The following FN1 variants were observed in gnomAD, a reference collection of about 807,000 sequenced individuals.
The protein encoded by FN1 is fibronectin.
A neutral mutation model predicts 297.3 loss-of-function variants in FN1; 106 were observed. The ratio of observed to expected loss-of-function variants is 0.36; its 90% CI spans 0.30 to 0.42. FN1 has a LOEUF of 0.42. Ranked by LOEUF, FN1 falls within the 10% of genes least tolerant of loss-of-function variation. The pLI, the probability that FN1 is intolerant of heterozygous loss-of-function variation, is 1.00. For synonymous variants in FN1, 1,149 were observed against 1,152.6 expected, an observed-to-expected ratio of 1.00 and a Z score of 0.06; for missense variants, 2,690 against 3,124.9, an observed-to-expected ratio of 0.86 and a Z score of 3.32.
intron 11 of FN1, among the ~76,000 whole-genome samples, chr2:215,420,134 G>GTT (rs1464670293): frequency 1.3e-5 from 2 of 152,162 alleles, no homozygotes; most frequent in African/African-American, 4.8e-5. Flanking sequence ...AAGGAAGTGA[G>GTT]TTTGAGACCA....
chr2:215,426,592 CACAG>C (rs1014134531), intron 6 of FN1, among the ~76,000 whole-genome samples: 1 of 152,218 alleles, frequency 6.6e-6, no homozygotes, highest in South Asian at 2.1e-4. Context: ...CAAAGATGTT[CACAG>C]ACAAAGAATC....
intron 6 of FN1, among the ~76,000 whole-genome samples, chr2:215,426,818 C>T (rs12615520): frequency 0.27 from 40,857 of 152,088 alleles, 7,090 homozygotes; most frequent in East Asian, 0.92. Context: ...CATTTAATTC[C>T]CACCTACACT....
chr2:215,405,890 T>G (rs1303145883), intron 19 of FN1, among the ~76,000 whole-genome samples: 1 of 152,208 alleles, frequency 6.6e-6, no homozygotes, highest in Non-Finnish European at 1.5e-5. Context: ...TATTGTTAAA[T>G]GAATTCTACT....
intron 8 of FN1, 33 bp from the exon 9 acceptor site, chr2:215,423,559 A>G: frequency 6.2e-7 from 1 of 1,604,918 alleles, no homozygotes; most frequent in Non-Finnish European, 8.5e-7. Context: ...AAGAAGGAAA[A>G]GATTACCGCT....
intron 20 of FN1, 43 bp from the exon 21 acceptor site, chr2:215,399,394 C>A: frequency 7.8e-7 from 1 of 1,275,234 alleles, no homozygotes; most frequent in Non-Finnish European, 1.1e-6. Flanking sequence ...CTCAAACTCA[C>A]AGATGATTGC....
intron 28 of FN1, among the ~76,000 whole-genome samples, chr2:215,385,533 G>T (rs2058824181): frequency 6.9e-6 from 1 of 144,402 alleles, no homozygotes; most frequent in Non-Finnish European, 1.5e-5. Flanking sequence ...TTGCACTCCA[G>T]CCTGGGCGAC....
At position 215,378,336 on chromosome 2, in the gene FN1, G is replaced by A; in HGVS notation, c.5623-74C>T. Reference sequence around the variant, plus strand: ...CCCAAGGAGTTTCACTACAGCATTAGGTAAATGCAATGGTTAGAAAATAAA... The same window carrying A: ...CCCAAGGAGTTTCACTACAGCATTAAGTAAATGCAATGGTTAGAAAATAAA... On this transcript the variant is annotated intron_variant, in intron 34 of 45. Coordinates refer to ENST00000354785, the MANE Select transcript of FN1 (RefSeq NM_212482.4). 3.8e-6 allele frequency: 3 copies of A among 795,012 alleles called. 1 individual carries two copies. In the South Asian group the frequency reaches 4.1e-5, roughly 11 times the overall value. The allele number at this position is 795,012 out of a possible 1,614,324, so 49.2% of individuals were successfully genotyped here.
chr2:215,385,337 G>A (rs2058786152), intron 28 of FN1, among the ~76,000 whole-genome samples: 1 of 151,434 alleles, frequency 6.6e-6, no homozygotes, highest in South Asian at 2.1e-4. Context: ...CGAGGCGGGT[G>A]GATCATTTGA....
At chr2:215,380,728 A>G (rs2058082749) in intron 33 of FN1, 83 bp downstream of exon 33, 10 of 1,472,760 alleles carry the variant, frequency 6.8e-6, no homozygotes, top group Non-Finnish European at 9.5e-6. Flanking sequence ...ACGGGAATCA[A>G]TAGCCCAGTG....
chr2:215,364,434 A>T (rs1575167804), intron 44 of FN1: 1 of 243,322 alleles, frequency 4.1e-6, no homozygotes, highest in East Asian at 9.9e-5. Flanking sequence ...AGGGGAGGGG[A>T]GGGTCTCAGG....
chr2:215,386,569 T>G (rs1041502270), intron 28 of FN1, 120 bp downstream of exon 28: 1 of 10,600 alleles, frequency 9.4e-5, no homozygotes, highest in Non-Finnish European at 2.4e-4. Context: ...CAATGATCTA[T>G]TTTTTTTTTT....
At chr2:215,374,843 TG>T (rs2056967332) in intron 38 of FN1, among the ~76,000 whole-genome samples, 2 of 152,208 alleles carry the variant, frequency 1.3e-5, no homozygotes, top group Admixed American at 6.5e-5. Context: ...GGTGGTGCAC[TG>T]GCAAGTCCTG....
intron 38 of FN1, among the ~76,000 whole-genome samples, chr2:215,374,087 G>A (rs979489966): frequency 1.3e-5 from 2 of 152,108 alleles, no homozygotes; most frequent in Non-Finnish European, 2.9e-5. Context: ...AGAGAGTCCT[G>A]CAGATTATAT....
intron 8 of FN1, 52 bp downstream of exon 8, chr2:215,424,094 G>C: frequency 6.5e-7 from 1 of 1,544,034 alleles, no homozygotes; most frequent in East Asian, 2.2e-5. Flanking sequence ...ATAAAACTAG[G>C]GCATGAAAGT....
intron 12 of FN1, among the ~76,000 whole-genome samples, chr2:215,418,301 T>A (rs1489103274): frequency 6.6e-6 from 1 of 152,204 alleles, no homozygotes; most frequent in Non-Finnish European, 1.5e-5. Context: ...CTTCCCATAT[T>A]ACAGATGAGG....
intron 20 of FN1, among the ~76,000 whole-genome samples, chr2:215,402,976 G>A (rs1240069535): frequency 2.6e-5 from 4 of 152,000 alleles, no homozygotes; most frequent in Non-Finnish European, 5.9e-5. Flanking sequence ...CATAAAATAT[G>A]TCTCATGTTA....
intron 25 of FN1, chr2:215,392,147 A>C (rs1575485966): frequency 3.2e-6 from 1 of 313,548 alleles, no homozygotes; most frequent in East Asian, 8.3e-5. Flanking sequence ...AAGTTGCCAC[A>C]CAGCAAAGAG....
rs35343655 is a variant in FN1, at chr2:215,386,974, G to A, written c.4343-16C>T. 420,695 of 1,601,552 alleles carry A rather than the reference G, an allele frequency of 0.26. 63,793 individuals are homozygous for A. Among genetic ancestry groups the A allele is most frequent in the East Asian group, 0.8 (35,763 of 44,476 alleles). ...GAATCAAGACCTGTTTTTCCCACCC[G>A]GGGGAGGAAGAGAAAAAAAAAAGAA... On this transcript the variant is annotated splice_polypyrimidine_tract_variant and intron_variant, in intron 27 of 45. Coordinates refer to ENST00000354785, the MANE Select transcript of FN1 (RefSeq NM_212482.4).
rs761078111 is a variant in FN1, at chr2:215,391,740, G to C, written c.4144C>G (p.Pro1382Ala). The C allele has an allele frequency of 1.2e-6, 2 of 1,613,988 alleles. No individual in the cohort carries two copies. The highest frequency in any genetic ancestry group is 2.7e-5 in the African/African-American group (2 of 74,914). The change falls in exon 26 of 46, where the codon CCA (proline) becomes GCA (alanine). Residue 1382 changes from proline to alanine, a missense_variant. By Grantham distance (27) the Pro-to-Ala change is conservative. This residue lies in a region of FN1 where 1,743 missense variants were observed against 1,945.2 expected (regional missense o/e 0.90). Transcript: ENST00000354785. ...DTMRVTWAPP[P>A]SIDLTNFLVR... ...AGGAAGTTGGTTAAATCAATGGATG[G>C]GGGTGGAGCCCAGGTGACACGCATG...
Sources: allele counts gnomAD v4.1 joint callset (sites outside exome capture counted in the v4.1 genomes callset), GRCh38; gene constraint gnomAD v4.1.1; regional missense constraint gnomAD v4.1.1; transcripts MANE v1.5; gene names NCBI Gene and HGNC (gene_info 2026-07-23, HGNC 2026-07-21).